The following DLGAP1 variants were observed in gnomAD, a reference collection of about 807,000 sequenced individuals.
DLGAP1 encodes the protein DLG associated protein 1.
Under a neutral mutation model 90.8 loss-of-function variants are expected in DLGAP1, and 11 were observed. That is an observed-to-expected ratio of 0.12 (90% CI 0.08 to 0.20). The LOEUF (loss-of-function observed/expected upper bound fraction) is 0.20. Among genes scored for constraint, DLGAP1 ranks in the 10% least tolerant of loss-of-function variants. The probability of loss-of-function intolerance (pLI) is 1.00; values close to 1 mark genes in which losing one functional copy is unlikely to be tolerated. For synonymous variants in DLGAP1, 558 were observed against 540.7 expected (o/e 1.03, Z -0.44); for missense variants, 1,050 against 1,333.8 (o/e 0.79, Z 3.31).
chr18:4,369,293 G>A (rs1389052672), intron 1 of DLGAP1, among the ~76,000 whole-genome samples: 1 of 152,042 alleles, frequency 6.6e-6, no homozygotes, highest in Non-Finnish European at 1.5e-5. Context: ...GCATATGAGT[G>A]TGCGTGTGTG....
chr18:3,597,089 CTCT>C (rs759224838), intron 7 of DLGAP1: 1 of 519,830 alleles, frequency 1.9e-6, no homozygotes, highest in South Asian at 1.4e-5. Flanking sequence ...CTCCTCGTTA[CTCT>C]TTTTTTTTTC....
At chr18:4,230,486 T>C (rs2078277946) in intron 1 of DLGAP1, among the ~76,000 whole-genome samples, 1 of 151,994 alleles carries the variant, frequency 6.6e-6, no homozygotes, top group African/African-American at 2.4e-5. Context: ...TGCAACAACA[T>C]AGATGGAACT....
chr18:4,178,218 C>A (rs2077147397), intron 1 of DLGAP1, among the ~76,000 whole-genome samples: 1 of 148,420 alleles, frequency 6.7e-6, no homozygotes, highest in Non-Finnish European at 1.5e-5. Flanking sequence ...CACACACACA[C>A]ACACACACAC....
intron 5 of DLGAP1, among the ~76,000 whole-genome samples, chr18:3,804,130 G>A (rs920088662): frequency 3.3e-5 from 5 of 151,620 alleles, no homozygotes; most frequent in African/African-American, 4.8e-5. Context: ...GATCACAGGC[G>A]CACGCCACCA....
At chr18:3,991,182 C>G (rs2073959931) in intron 3 of DLGAP1, among the ~76,000 whole-genome samples, 1 of 151,684 alleles carries the variant, frequency 6.6e-6, no homozygotes, top group African/African-American at 2.4e-5. Context: ...TATAAAAAAA[C>G]AAAAAACAAA....
chr18:4,265,574 TTTTC>T lies in DLGAP1; in HGVS notation c.-266-114291_-266-114288del, dbSNP rs546429563. ...CCTTCCTTCCTTCCTTTCCTTTCCT[TTTTC>T]TTTGTTTCTTCTTTTGCTTTCTTTC... On this transcript the variant is annotated intron_variant, in intron 1 of 12. Transcript: ENST00000315677. Among the ~76,000 whole-genome samples, 114 of 132,384 alleles carry T rather than the reference TTTTC, an allele frequency of 8.6e-4. 7 individuals carry two copies. The highest frequency in any genetic ancestry group is 3.1e-3 in the African/African-American group (96 of 30,970). The allele number at this position is 132,384 out of a possible 152,430, so 86.8% of individuals were successfully genotyped here.
At chr18:3,766,906 C>T (rs2064272274) in intron 5 of DLGAP1, among the ~76,000 whole-genome samples, 1 of 151,602 alleles carries the variant, frequency 6.6e-6, no homozygotes, top group Admixed American at 6.6e-5. Flanking sequence ...CCTCATGAAC[C>T]TAAAAAAAGA....
rs1228471662 is a variant in DLGAP1, at chr18:3,691,932, T to TA, written c.1591+37202dup. 3.3e-5 allele frequency among the ~76,000 whole-genome samples: 5 copies of TA among 150,936 alleles called. No individual in the cohort carries two copies. The South Asian group carries it at 8.3e-4, about 25-fold the overall frequency. ...AAGACCCTGTCTCAAAAAATAAAAA[T>TA]AAAAAAAATAAAAAAAGGTTGAGGA... is the stretch of plus-strand genomic sequence containing the variant. On this transcript the variant is annotated intron_variant, in intron 7 of 12. Coordinates refer to ENST00000315677, the MANE Select transcript of DLGAP1 (RefSeq NM_004746.4).
intron 7 of DLGAP1, among the ~76,000 whole-genome samples, chr18:3,706,178 A>C (rs1442539121): frequency 6.6e-6 from 1 of 151,358 alleles, no homozygotes; most frequent in Non-Finnish European, 1.5e-5. Flanking sequence ...TTGTATTTTT[A>C]GTAGAGACAA....
intron 1 of DLGAP1, among the ~76,000 whole-genome samples, chr18:4,216,413 CTT>C (rs1385387108): frequency 6.6e-6 from 1 of 152,074 alleles, no homozygotes; most frequent in East Asian, 1.9e-4. Context: ...ATGTTACACT[CTT>C]TAATTTTCTA....
Position 3,698,600 on chromosome 18 carries a change from T to C in DLGAP1, c.1591+30535A>G, listed in dbSNP as rs1257165739. 2.6e-5 allele frequency among the ~76,000 whole-genome samples: 4 copies of C among 151,840 alleles called. No individual in the cohort carries two copies. In the East Asian group the frequency reaches 7.7e-4, roughly 29 times the overall value. On this transcript the variant is annotated intron_variant, in intron 7 of 12. Coordinates refer to ENST00000315677, the MANE Select transcript of DLGAP1 (RefSeq NM_004746.4). ...CCCTTTGTGGGTAACCCGACCTTTC[T>C]CTCTGATGATTATGTGTCTTGGGGT... is the stretch of plus-strand genomic sequence containing the variant.
chr18:4,249,803 G>A lies in DLGAP1; in HGVS notation c.-266-98516C>T, dbSNP rs746274226. 3.3e-5 allele frequency among the ~76,000 whole-genome samples: 5 copies of A among 152,140 alleles called. 1 individual carries two copies. Among genetic ancestry groups the A allele is most frequent in the Admixed American group, 1.3e-4 (2 of 15,278 alleles). ...GGGGTCTCACTATGCTCCCCAGGCT[G>A]GTCTCAAACTCCTGGGCTTAAGTGA... On this transcript the variant is annotated intron_variant, in intron 1 of 12. Coordinates refer to ENST00000315677, the MANE Select transcript of DLGAP1 (RefSeq NM_004746.4).
At chr18:4,168,882 C>T (rs2144568594) in intron 1 of DLGAP1, among the ~76,000 whole-genome samples, 1 of 152,270 alleles carries the variant, frequency 6.6e-6, no homozygotes, top group South Asian at 2.1e-4. Flanking sequence ...CTATGTCTGG[C>T]TCTCATTTCT....
chr18:3,622,551 C>T (rs1001803982), intron 7 of DLGAP1, among the ~76,000 whole-genome samples: 2 of 152,150 alleles, frequency 1.3e-5, no homozygotes, highest in East Asian at 3.9e-4. Context: ...CAAGTCTGGC[C>T]TCCTTCACCC....
At chr18:3,589,003 G>A (rs568333700) in intron 7 of DLGAP1, among the ~76,000 whole-genome samples, 2 of 151,970 alleles carry the variant, frequency 1.3e-5, no homozygotes, top group African/African-American at 4.8e-5. Context: ...TCAACATGGT[G>A]AAACCCCGTC....
At position 3,971,322 on chromosome 18, in the gene DLGAP1, C is replaced by T. The variant is rs374302905; in HGVS notation, c.-73+33794G>A. 1.4e-3 allele frequency among the ~76,000 whole-genome samples: 218 copies of T among 152,226 alleles called. 3 individuals are homozygous for T. The South Asian group carries it at 0.024, about 17-fold the overall frequency. ...CTTTCCATTAGTTTAGAATTAAGTC[C>T]TCTAAATCAGTGGCTTAACATTTTT... On this transcript the variant is annotated intron_variant, in intron 3 of 12. Transcript: ENST00000315677.
At chr18:4,319,783 G>A (rs2080631818) in intron 1 of DLGAP1, among the ~76,000 whole-genome samples, 1 of 152,172 alleles carries the variant, frequency 6.6e-6, no homozygotes, top group African/African-American at 2.4e-5. Flanking sequence ...AATAGTCACT[G>A]AAAGTTTCTA....
At chr18:4,145,023 A>G (rs1383012842) in intron 2 of DLGAP1, among the ~76,000 whole-genome samples, 1 of 152,234 alleles carries the variant, frequency 6.6e-6, no homozygotes, top group Non-Finnish European at 1.5e-5. Context: ...TTCAGAGAGT[A>G]CTTAATCGGT....
Position 3,920,541 on chromosome 18 carries a change from C to G in DLGAP1, c.-72-40401G>C, listed in dbSNP as rs562665690. On this transcript the variant is annotated intron_variant, in intron 3 of 12. Coordinates refer to ENST00000315677, the MANE Select transcript of DLGAP1 (RefSeq NM_004746.4). ...TTTTTCCAGAGTATATTCAGTACGT[C>G]TATCTTCACATTTCTCACCCCTTAA... Among the ~76,000 whole-genome samples, 9 of 152,230 alleles carry G rather than the reference C, an allele frequency of 5.9e-5. No homozygotes were observed. The South Asian group carries it at 1.7e-3, about 28-fold the overall frequency.
Sources: gnomAD v4.1 joint callset for allele counts (sites outside exome capture counted in the v4.1 genomes callset) on GRCh38, gnomAD v4.1.1 for gene constraint, MANE v1.5 for transcripts, NCBI Gene and HGNC (gene_info 2026-07-23, HGNC 2026-07-21) for gene names.